Variants in LINGO2 observed in about 807,000 individuals in gnomAD.
LINGO2 encodes leucine-rich repeat and immunoglobulin-like domain-containing nogo receptor-interacting protein 2.
A neutral mutation model predicts 30.6 loss-of-function variants in LINGO2; 14 were observed. That is an observed-to-expected ratio of 0.46 (90% CI 0.30 to 0.72). LINGO2 has a LOEUF of 0.72. Ranked by LOEUF, LINGO2 falls within the 30% of genes least tolerant of loss-of-function variation. The probability of loss-of-function intolerance (pLI) is 0.07; values close to 1 mark genes in which losing one functional copy is unlikely to be tolerated. For missense variants in LINGO2, 729 were observed against 751.7 expected, an observed-to-expected ratio of 0.97 and a Z score of 0.35; for synonymous variants, 317 against 288.5, an observed-to-expected ratio of 1.10 and a Z score of -1.00.
chr9:28,051,683 C>T (rs1462181727), intron 4 of LINGO2, among the ~76,000 whole-genome samples: 2 of 151,988 alleles, frequency 1.3e-5, no homozygotes, highest in African/African-American at 2.4e-5. Context: ...AGCTAGATTC[C>T]AACCACAGTC....
intron 3 of LINGO2, among the ~76,000 whole-genome samples, chr9:28,363,475 T>G (rs1200788118): frequency 6.6e-6 from 1 of 152,160 alleles, no homozygotes; most frequent in Admixed American, 6.5e-5. Context: ...TGGCCCCTGA[T>G]AATAAGCCTT....
chr9:28,044,968 C>G (rs902517616), intron 4 of LINGO2, among the ~76,000 whole-genome samples: 2 of 152,014 alleles, frequency 1.3e-5, no homozygotes, highest in Non-Finnish European at 2.9e-5. Context: ...GAGCAGAAAA[C>G]AGTTTTCCTG....
the LINGO2 span, among the ~76,000 whole-genome samples, chr9:29,040,489 T>A: frequency 6.6e-6 from 1 of 151,976 alleles, no homozygotes; most frequent in Non-Finnish European, 1.5e-5. Context: ...ATACTGGTTA[T>A]CTACTCCCAA....
intron 1 of LINGO2, among the ~76,000 whole-genome samples, chr9:28,492,874 C>T (rs1460901077): frequency 2.0e-5 from 3 of 152,046 alleles, no homozygotes; most frequent in Admixed American, 1.3e-4. Flanking sequence ...GGGGAGCGGG[C>T]GGGTGGACTA....
At chr9:28,607,490 C>G (rs1825742337) in intron 1 of LINGO2, among the ~76,000 whole-genome samples, 2 of 151,996 alleles carry the variant, frequency 1.3e-5, no homozygotes, top group African/African-American at 4.8e-5. Context: ...CATTTGCTTA[C>G]TAATGAAGAA....
chr9:28,396,189 G>A (rs1416420663), intron 2 of LINGO2, among the ~76,000 whole-genome samples: 1 of 152,098 alleles, frequency 6.6e-6, no homozygotes, highest in Non-Finnish European at 1.5e-5. Context: ...CCAGGTGCCA[G>A]GTGCTGTTAT....
At chr9:28,981,348 A>G in the LINGO2 span, among the ~76,000 whole-genome samples, 2 of 139,542 alleles carry the variant, frequency 1.4e-5, no homozygotes, top group African/African-American at 5.2e-5. Context: ...TAAAATGTTT[A>G]TTTTTCCTCT....
At chr9:28,083,454 C>A (rs1428606100) in intron 4 of LINGO2, among the ~76,000 whole-genome samples, 2 of 152,134 alleles carry the variant, frequency 1.3e-5, no homozygotes, top group Non-Finnish European at 2.9e-5. Flanking sequence ...TACTTCCTCC[C>A]CCAATAGGTT....
intron 4 of LINGO2, among the ~76,000 whole-genome samples, chr9:28,046,137 T>TA (rs1015663186): frequency 3.9e-5 from 6 of 152,220 alleles, no homozygotes; most frequent in African/African-American, 1.4e-4. Context: ...ATTTATTGGC[T>TA]AAAACCACTT....
At chr9:28,686,060 T>G in the LINGO2 span, among the ~76,000 whole-genome samples, 1 of 151,852 alleles carries the variant, frequency 6.6e-6, no homozygotes, top group Non-Finnish European at 1.5e-5. Flanking sequence ...ATACATTGGA[T>G]AGTTTTAAAA....
At chr9:28,619,214 T>C (rs1304656520) in intron 1 of LINGO2, among the ~76,000 whole-genome samples, 1 of 152,168 alleles carries the variant, frequency 6.6e-6, no homozygotes, top group Admixed American at 6.5e-5. Flanking sequence ...TGAATCATAC[T>C]ATTGCTGATG....
chr9:28,273,481 G>A (rs1049443992), intron 4 of LINGO2, among the ~76,000 whole-genome samples: 3 of 152,176 alleles, frequency 2.0e-5, no homozygotes, highest in Non-Finnish European at 4.4e-5. Flanking sequence ...AAATAGTAGT[G>A]AGCATTATTC....
the LINGO2 span, among the ~76,000 whole-genome samples, chr9:29,015,936 G>A: frequency 1.3e-5 from 2 of 151,994 alleles, no homozygotes; most frequent in Non-Finnish European, 2.9e-5. Context: ...TCTCAAGCAT[G>A]GCCATCATAT....
the LINGO2 span, among the ~76,000 whole-genome samples, chr9:28,751,499 C>T: frequency 2.0e-5 from 3 of 151,932 alleles, no homozygotes; most frequent in Non-Finnish European, 4.4e-5. Context: ...CCCATATTAA[C>T]ATGACACACC....
chr9:28,534,457 T>G (rs1214089807), intron 1 of LINGO2, among the ~76,000 whole-genome samples: 1 of 152,186 alleles, frequency 6.6e-6, no homozygotes, highest in Non-Finnish European at 1.5e-5. Context: ...TGGGATTTGT[T>G]TTTTAAATCT....
chr9:28,283,085 T>A (rs950635147), intron 4 of LINGO2, among the ~76,000 whole-genome samples: 14 of 152,126 alleles, frequency 9.2e-5, no homozygotes, highest in African/African-American at 3.4e-4. Context: ...AGACCAGTGG[T>A]CCACAGAACA....
chr9:28,874,385 T>G, the LINGO2 span, among the ~76,000 whole-genome samples: 1 of 151,978 alleles, frequency 6.6e-6, no homozygotes, highest in African/African-American at 2.4e-5. Flanking sequence ...AGAAAAACAC[T>G]TTACTCATCT....
At chr9:28,827,931 ATATAGATTGTG>A in the LINGO2 span, among the ~76,000 whole-genome samples, 8 of 152,102 alleles carry the variant, frequency 5.3e-5, no homozygotes, top group African/African-American at 1.9e-4. Context: ...TTGTAAGATA[ATATAGATTGTG>A]TATAACAGTA....
At chr9:29,132,309 A>C in the LINGO2 span, among the ~76,000 whole-genome samples, 68 of 152,224 alleles carry the variant, frequency 4.5e-4, no homozygotes, top group African/African-American at 1.6e-3. Context: ...GAAAACTCCA[A>C]CTTTCCACGC....
Sources: gnomAD v4.1 joint callset for allele counts (sites outside exome capture counted in the v4.1 genomes callset) on GRCh38, gnomAD v4.1.1 for gene constraint, MANE v1.5 for transcripts, NCBI Gene and HGNC (gene_info 2026-07-23, HGNC 2026-07-21) for gene names.